PPM1A: variants seen among roughly 807,000 people sequenced by gnomAD.
The protein encoded by PPM1A is protein phosphatase, Mg2+/Mn2+ dependent 1A.
PPM1A carries 7 observed loss-of-function variants against 35.0 expected under a neutral mutation model. The observed-to-expected ratio is 0.20, with a 90% CI of 0.11 to 0.38. The LOEUF (loss-of-function observed/expected upper bound fraction) is 0.38, where lower values mean the gene tolerates loss of function less well. Ranked by LOEUF, PPM1A falls within the 10% of genes least tolerant of loss-of-function variation. The pLI, the probability that PPM1A is intolerant of heterozygous loss-of-function variation, is 1.00. For synonymous variants in PPM1A, 153 were observed against 167.3 expected (o/e 0.91, Z 0.66); for missense variants, 239 against 467.8 (o/e 0.51, Z 4.51).
chr14:60,253,594 T>C (rs1050168277), intron 1 of PPM1A, among the ~76,000 whole-genome samples: 1 of 152,208 alleles, frequency 6.6e-6, no homozygotes, highest in African/African-American at 2.4e-5. Context: ...CAAGTCCATG[T>C]TAGTTTATGT....
chr14:60,274,854 G>C lies in PPM1A; in HGVS notation c.-20-7830G>C, dbSNP rs117149411. 1.1e-3 allele frequency among the ~76,000 whole-genome samples: 172 copies of C among 150,970 alleles called. 2 individuals carry two copies. In the East Asian group the frequency reaches 0.029, roughly 25 times the overall value. ...TCAATGTCATTTCATATCTTGGTTA[G>C]TTTCTAATTTTGAGCTAATGAATAC... is the stretch of plus-strand genomic sequence containing the variant. On this transcript the variant is annotated intron_variant, in intron 1 of 5. Coordinates refer to ENST00000395076, the MANE Select transcript of PPM1A (RefSeq NM_021003.5).
At position 60,283,967 on chromosome 14, in the gene PPM1A, T is replaced by C. The variant is rs1487590028; in HGVS notation, c.834+430T>C. ...ACTAAGGTTTAATGGTCTGTAGCAC[T>C]TGAAAGAGGAATGTAGTGATCATTA... On this transcript the variant is annotated intron_variant, in intron 2 of 5. Transcript: ENST00000395076. This position sits in a 1 kb window ranked among gnomAD's most constrained non-coding sequence, Gnocchi z 6.3. 6.6e-6 allele frequency among the ~76,000 whole-genome samples: 1 copy of C among 152,234 alleles called. No individual in the cohort carries two copies. The highest frequency in any genetic ancestry group is 2.4e-5 in the African/African-American group (1 of 41,470).
chr14:60,275,393 A>C (rs532016289), intron 1 of PPM1A, among the ~76,000 whole-genome samples: 1 of 152,054 alleles, frequency 6.6e-6, no homozygotes, highest in Non-Finnish European at 1.5e-5. Flanking sequence ...CTCATTTGTA[A>C]AATAGGTTTA....
At chr14:60,269,850 A>G (rs560623364) in intron 1 of PPM1A, among the ~76,000 whole-genome samples, 1 of 152,130 alleles carries the variant, frequency 6.6e-6, no homozygotes, top group Non-Finnish European at 1.5e-5. Flanking sequence ...TGCCCAGCCG[A>G]TGGCATGTTT....
At chr14:60,291,302 A>T (rs1486475015) in intron 4 of PPM1A, 95 bp from the exon 5 acceptor site, 2 of 832,648 alleles carry the variant, frequency 2.4e-6, no homozygotes, top group Admixed American at 2.7e-5. Context: ...TGAGTATAAG[A>T]TTATCTTAGA....
chr14:60,249,793 G>T lies in PPM1A; in HGVS notation c.-21+116G>T. On this transcript the variant is annotated intron_variant, in intron 1 of 5. Coordinates refer to ENST00000395076, the MANE Select transcript of PPM1A (RefSeq NM_021003.5). This position sits in a 1 kb window ranked among gnomAD's most constrained non-coding sequence, Gnocchi z 4.5. ...GCCGGGCGTCTGCCCGGGCGCTCCC[G>T]GGAGGAGACGCGACAACTCCACCCC... is the stretch of plus-strand genomic sequence containing the variant. 1.7e-6 allele frequency: 1 copy of T among 600,286 alleles called. No individual in the cohort carries two copies. The highest frequency in any genetic ancestry group is 6.9e-5 in the South Asian group (1 of 14,488). 37.2% of individuals were successfully genotyped at this position (600,286 alleles called of 1,614,324 possible).
intron 1 of PPM1A, among the ~76,000 whole-genome samples, chr14:60,275,917 CTT>C (rs1885707276): frequency 7.1e-6 from 1 of 140,414 alleles, no homozygotes; most frequent in African/African-American, 2.7e-5. Context: ...CCATAGATAA[CTT>C]TGAGATGGCT....
At chr14:60,250,894 T>C (rs1026587879) in intron 1 of PPM1A, among the ~76,000 whole-genome samples, 4 of 152,236 alleles carry the variant, frequency 2.6e-5, no homozygotes, top group East Asian at 1.9e-4. Context: ...TGAAACACTT[T>C]ACTTTTATAC....
chr14:60,291,518 A>T, intron 5 of PPM1A, 64 bp downstream of exon 5: 1 of 1,354,284 alleles, frequency 7.4e-7, no homozygotes, highest in Non-Finnish European at 1.0e-6. Flanking sequence ...TATCCTTCCT[A>T]CCTGTTTTTG....
chr14:60,263,545 G>A (rs77879571), intron 1 of PPM1A, among the ~76,000 whole-genome samples: 5,483 of 151,978 alleles, frequency 0.036, 139 homozygotes, highest in Non-Finnish European at 0.057. Context: ...AGCTTCAAAG[G>A]TGTGCATATG....
chr14:60,266,212 C>T (rs1884364883), intron 1 of PPM1A, among the ~76,000 whole-genome samples: 1 of 152,024 alleles, frequency 6.6e-6, no homozygotes, highest in African/African-American at 2.4e-5. Context: ...ACATTCATTG[C>T]CCATTTCTTT....
In PPM1A at chr14:60,249,750, C is replaced by T; in HGVS notation, c.-21+73C>T. Reference sequence around the variant, plus strand: ...CTGCGCGGCGGCGGCGGCGGGCAGGCCTGGGGCCTGTAAACAAGCCGGGCG... The same window carrying T: ...CTGCGCGGCGGCGGCGGCGGGCAGGTCTGGGGCCTGTAAACAAGCCGGGCG... On this transcript the variant is annotated intron_variant, in intron 1 of 5. Transcript: ENST00000395076. This position sits in a 1 kb window ranked among gnomAD's most constrained non-coding sequence, Gnocchi z 4.5. 3 of 920,028 alleles carry T rather than the reference C, an allele frequency of 3.3e-6. No individual in the cohort carries two copies. Among genetic ancestry groups the T allele is most frequent in the Non-Finnish European group, 3.9e-6 (3 of 770,816 alleles). The allele number at this position is 920,028 out of a possible 1,614,324, so 57.0% of individuals were successfully genotyped here. A position where few individuals can be genotyped will look rare whatever the true frequency, so the allele number is the denominator to read the frequency against.
In PPM1A at chr14:60,295,702, A is replaced by G. The variant is rs928122315; in HGVS notation, c.*3220A>G. The G allele has an allele frequency of 6.6e-6, 1 of 151,596 alleles. No individual in the cohort carries two copies. Among genetic ancestry groups the G allele is most frequent in the African/African-American group, 2.4e-5 (1 of 41,366 alleles). The allele number at this position is 151,596 out of a possible 1,614,324, so 9.4% of individuals were successfully genotyped here. A position where few individuals can be genotyped will look rare whatever the true frequency, so the allele number is the denominator to read the frequency against. On this transcript the variant is annotated 3_prime_UTR_variant, in exon 6 of 6. Transcript: ENST00000395076. ...AGTAGATCCTTGGCTTCAAGTTTAC[A>G]TCTGGACAATTTATAATCTAGTGTA...
chr14:60,274,124 A>T (rs1885473844), intron 1 of PPM1A, among the ~76,000 whole-genome samples: 1 of 152,162 alleles, frequency 6.6e-6, no homozygotes, highest in African/African-American at 2.4e-5. Flanking sequence ...GGAGATGAAA[A>T]TGAGCCTGCA....
At chr14:60,277,696 G>A (rs1343013409) in intron 1 of PPM1A, among the ~76,000 whole-genome samples, 1 of 152,114 alleles carries the variant, frequency 6.6e-6, no homozygotes, top group African/African-American at 2.4e-5. Flanking sequence ...GAATCTAGAC[G>A]TGGCTGTTTA....
At chr14:60,250,003 G>C (rs1407154381) in intron 1 of PPM1A, among the ~76,000 whole-genome samples, 1 of 151,482 alleles carries the variant, frequency 6.6e-6, no homozygotes, top group African/African-American at 2.4e-5. Context: ...CCGCAGGCCG[G>C]CCTGGCCGGA....
chr14:60,294,043 A>C lies in PPM1A; in HGVS notation c.*1561A>C, dbSNP rs1273967523. The C allele has an allele frequency of 6.6e-6, 1 of 151,942 alleles. No homozygotes were observed. The highest frequency in any genetic ancestry group is 1.5e-5 in the Non-Finnish European group (1 of 67,868). The allele number at this position is 151,942 out of a possible 1,614,324, so 9.4% of individuals were successfully genotyped here. On this transcript the variant is annotated 3_prime_UTR_variant, in exon 6 of 6. Transcript: ENST00000395076. ...AAAACTGTTGAAATGTAAGACTAAA[A>C]TACAACATTGAATACAAAATCAAAA...
chr14:60,255,178 T>TTC, intron 1 of PPM1A, among the ~76,000 whole-genome samples: 1 of 111,318 alleles, frequency 9.0e-6, no homozygotes, highest in Non-Finnish European at 1.8e-5. Context: ...TTTTTTGTTT[T>TTC]GTTTTGTTTT....
chr14:60,248,390 T>C (rs1195985461), upstream of PPM1A, among the ~76,000 whole-genome samples: 1 of 152,122 alleles, frequency 6.6e-6, no homozygotes, highest in Admixed American at 6.5e-5. Flanking sequence ...CATGTGCAAA[T>C]AAATACAATG....
Sources: allele counts gnomAD v4.1 joint callset (sites outside exome capture counted in the v4.1 genomes callset), GRCh38; gene constraint gnomAD v4.1.1; non-coding constraint Gnocchi (gnomAD v3.1); transcripts MANE v1.5; gene names NCBI Gene and HGNC (gene_info 2026-07-23, HGNC 2026-07-21).